The following CHRNA3 variants were observed in gnomAD, a reference collection of about 807,000 sequenced individuals.
CHRNA3 encodes the protein cholinergic receptor nicotinic alpha 3 subunit.
CHRNA3 carries 34 observed loss-of-function variants against 41.9 expected under a neutral mutation model. The observed-to-expected ratio is 0.81, with a 90% CI of 0.62 to 1.08. The LOEUF is 1.08. Among genes scored for constraint, CHRNA3 ranks in the 50% least tolerant of loss-of-function variants. The pLI is 0.00. For missense variants in CHRNA3, 542 were observed against 638.3 expected (o/e 0.85, Z 1.63); for synonymous variants, 281 against 265.2 (o/e 1.06, Z -0.58).
chr15:78,605,835 G>T (rs2053276554), intron 4 of CHRNA3, among the ~76,000 whole-genome samples: 1 of 152,148 alleles, frequency 6.6e-6, no homozygotes. Context: ...TCGTGGAGAT[G>T]CCATGACTGT....
intron 5 of CHRNA3, among the ~76,000 whole-genome samples, chr15:78,597,770 A>C (rs985254943): frequency 2.0e-5 from 3 of 152,208 alleles, no homozygotes; most frequent in Non-Finnish European, 4.4e-5. Context: ...CCATAATTGA[A>C]TTGAGAGAAC....
rs754431447 is a variant in CHRNA3 at position 78,618,840 on chromosome 15, A to G, written c.158T>C (p.Val53Ala). ...FEDYNEIIRPVANVSDPVIIH... is the reference protein window; with the variant it reads ...FEDYNEIIRPAANVSDPVIIH... The stretch of plus-strand genomic sequence containing the variant: ...GATGACTGGGTCAGACACGTTGGCT[A>G]CAGGCCGGATGATCTCATTGTAATC... The change falls in exon 2 of 6, where the codon GTA becomes GCA. Residue 53 changes from valine (V) to alanine (A), a missense_variant. Transcript: ENST00000326828. 1 of 1,613,942 alleles carries G rather than the reference A, an allele frequency of 6.2e-7. No homozygotes were observed. Among genetic ancestry groups the G allele is most frequent in the South Asian group, 1.1e-5 (1 of 91,086 alleles).
rs1311080821 is a variant in CHRNA3, at chr15:78,596,625, C to T, written c.1497G>A (p.Leu499=). The change falls in exon 6 of 6, where the codon CTG becomes CTA. Residue 499 remains leucine, a synonymous_variant. Transcript: ENST00000326828. ...GTGCTTATGCATCTTCCCTGGCCAT[C>T]AGGGGTTGCAGAAACAATCCTGCTG... ...LGTAGLFLQP[L]MAREDA 1.2e-6 allele frequency: 2 copies of T among 1,607,640 alleles called. No individual in the cohort carries two copies. Among genetic ancestry groups the T allele is most frequent in the Non-Finnish European group, 1.7e-6 (2 of 1,178,574 alleles).
chr15:78,599,232 C>T (rs1038212904), intron 5 of CHRNA3, among the ~76,000 whole-genome samples: 2 of 152,180 alleles, frequency 1.3e-5, no homozygotes, highest in African/African-American at 4.8e-5. Context: ...CCTGCCTTGG[C>T]CTCCCAAAGT....
intron 5 of CHRNA3, among the ~76,000 whole-genome samples, chr15:78,597,503 C>T (rs2053132429): frequency 6.6e-6 from 1 of 152,082 alleles, no homozygotes; most frequent in South Asian, 2.1e-4. Flanking sequence ...GCAAGTCCAT[C>T]CTCATCACTC....
rs2053097531 is a variant in CHRNA3, at chr15:78,595,823, T to C, written c.*781A>G. 1 of 153,096 alleles carries C rather than the reference T, an allele frequency of 6.5e-6. No homozygotes were observed. Among genetic ancestry groups the C allele is most frequent in the Non-Finnish European group, 1.5e-5 (1 of 68,950 alleles). The allele number at this position is 153,096 out of a possible 1,614,324, so 9.5% of individuals were successfully genotyped here. ...GCTCTGCTCTCATGAATGGGGTTAGTGCCCTTATAAAATAGACCCCACAGA... is the reference window on the plus strand; with the variant it reads ...GCTCTGCTCTCATGAATGGGGTTAGCGCCCTTATAAAATAGACCCCACAGA... On this transcript the variant is annotated 3_prime_UTR_variant, in exon 6 of 6. Transcript: ENST00000326828.
chr15:78,601,450 G>A lies in CHRNA3; in HGVS notation c.1192C>T (p.Gln398Ter). Residue 398 changes from glutamine (Q) to a stop codon, truncating the protein, a stop_gained, in exon 5 of 6, where the codon CAG (glutamine) becomes TAG (stop). Coordinates refer to ENST00000326828, the MANE Select transcript of CHRNA3 (RefSeq NM_000743.5). LOFTEE classifies it high-confidence loss of function. ...TGGCAGTAACCACACATCCCGTCCT[G>A]GCAGGGGTAGCCCTCCTTGCAGCCT... ...SKGCKEGYPC[Q>*]DGMCGYCHHR... 6.2e-7 allele frequency: 1 copy of A among 1,614,194 alleles called. No homozygotes were observed. The highest frequency in any genetic ancestry group is 8.5e-7 in the Non-Finnish European group (1 of 1,180,046).
At chr15:78,607,158 G>A (rs1484826757) in intron 4 of CHRNA3, among the ~76,000 whole-genome samples, 5 of 151,044 alleles carry the variant, frequency 3.3e-5, no homozygotes, top group African/African-American at 1.2e-4. Context: ...GAACCCAGGA[G>A]GCAGAGATTG....
intron 5 of CHRNA3, among the ~76,000 whole-genome samples, chr15:78,598,693 A>C (rs1292234884): frequency 6.6e-6 from 1 of 152,134 alleles, no homozygotes; most frequent in Non-Finnish European, 1.5e-5. Flanking sequence ...GGTGCCTAGC[A>C]CCATGCCCAG....
intron 5 of CHRNA3, among the ~76,000 whole-genome samples, chr15:78,599,678 A>G (rs1479380872): frequency 6.8e-6 from 1 of 146,388 alleles, no homozygotes; most frequent in Non-Finnish European, 1.5e-5. Flanking sequence ...TTCTCTTCTT[A>G]TTGGCATGCC....
chr15:78,606,999 G>C (rs78090107), intron 4 of CHRNA3, among the ~76,000 whole-genome samples: 1 of 152,012 alleles, frequency 6.6e-6, no homozygotes, highest in African/African-American at 2.4e-5. Context: ...AGGCTGAGGC[G>C]GGCAGATCAT....
At chr15:78,600,627 G>T (rs181707779) in intron 5 of CHRNA3, among the ~76,000 whole-genome samples, 35 of 152,246 alleles carry the variant, frequency 2.3e-4, no homozygotes, top group African/African-American at 8.2e-4. Context: ...CATGCCTGTA[G>T]TCCCAGCATT....
In CHRNA3 at chr15:78,601,816, A is replaced by C. The variant is rs1204759174; in HGVS notation, c.826T>G (p.Cys276Gly). ...GTCAGGGAGAGGAGGACAGAAATGC[A>C]CAGGGTCACCTTCTCACCGCAGTCG... ...PSDCGEKVTL[C>G]ISVLLSLTVF... Residue 276 changes from cysteine (C) to glycine (G), a missense_variant, in exon 5 of 6, where the codon TGC (cysteine) becomes GGC (glycine). Transcript: ENST00000326828. The C allele has an allele frequency of 6.2e-7, 1 of 1,614,066 alleles. No homozygotes were observed. Among genetic ancestry groups the C allele is most frequent in the Non-Finnish European group, 8.5e-7 (1 of 1,180,054 alleles).
chr15:78,612,897 A>G (rs1307973104), intron 4 of CHRNA3, among the ~76,000 whole-genome samples: 1 of 151,622 alleles, frequency 6.6e-6, no homozygotes, highest in Non-Finnish European at 1.5e-5. Context: ...ACCCCATCAA[A>G]AAGTGGGTGA....
Position 78,617,058 on chromosome 15 carries a change from T to C in CHRNA3, c.343A>G (p.Lys115Glu), listed in dbSNP as rs1240316730. Reference sequence around the variant, plus strand: ...AGCACAATGTCTGGCTTCCAGATCTTCTGTGCAGGGACACGCATGAACTCT... The same window carrying C: ...AGCACAATGTCTGGCTTCCAGATCTCCTGTGCAGGGACACGCATGAACTCT... The part of the protein sequence containing the change: ...GAEFMRVPAQ[K>E]IWKPDIVLYN... Residue 115 changes from lysine (K) to glutamate (E), a missense_variant, in exon 4 of 6, where the codon AAG (lysine) becomes GAG (glutamate). Physicochemically the swap from Lys to Glu is moderately conservative, Grantham distance 56 (BLOSUM62 1). Transcript: ENST00000326828. 8.1e-6 allele frequency: 13 copies of C among 1,613,746 alleles called. No individual in the cohort carries two copies. The highest frequency in any genetic ancestry group is 1.1e-5 in the Non-Finnish European group (13 of 1,179,924).
At position 78,601,970 on chromosome 15, in the gene CHRNA3, G is replaced by A. The variant is rs539983389; in HGVS notation, c.672C>T (p.Cys224=). Residue 224 remains cysteine, a synonymous_variant, in exon 5 of 6, where the codon TGC becomes TGT. Transcript: ENST00000326828. ...ATGTGATGTCGGGGTAGATCTCCTCGCAGCAGTTGTACTTGATGTCGTGTT... is the reference window on the plus strand; with the variant it reads ...ATGTGATGTCGGGGTAGATCTCCTCACAGCAGTTGTACTTGATGTCGTGTT... The part of the protein sequence containing the change: ...GYKHDIKYNC[C]EEIYPDITYS... The A allele has an allele frequency of 1.3e-5, 21 of 1,613,504 alleles. No individual in the cohort carries two copies. Among genetic ancestry groups the A allele is most frequent in the South Asian group, 7.7e-5 (7 of 91,042 alleles).
At chr15:78,598,023 T>C (rs1046894122) in intron 5 of CHRNA3, among the ~76,000 whole-genome samples, 1 of 152,162 alleles carries the variant, frequency 6.6e-6, no homozygotes, top group African/African-American at 2.4e-5. Flanking sequence ...CAGATACACC[T>C]TGAGATGTGA....
In CHRNA3 at chr15:78,620,738, CAG is replaced by C; in HGVS notation, c.55_56del (p.Leu19AlafsTer16). Reference sequence around the variant, plus strand: ...CTGGCAGCAGAGACAGCAGCAGCAGCAGCAGCAGCCGCGGCGGCGACAGCGCC... The same window carrying C: ...CTGGCAGCAGAGACAGCAGCAGCAGCCAGCAGCCGCGGCGGCGACAGCGCC... ...PLALSPPRLLLLLLLSLLPVA... is the reference protein window; with the variant it reads ...PLALSPPRLLXLLLLSLLPVA... On this transcript the variant is annotated frameshift_variant, in exon 1 of 6. Coordinates refer to ENST00000326828, the MANE Select transcript of CHRNA3 (RefSeq NM_000743.5). LOFTEE classifies it high-confidence loss of function. 2.7e-6 allele frequency: 4 copies of C among 1,500,942 alleles called. No individual in the cohort carries two copies. Among genetic ancestry groups the C allele is most frequent in the East Asian group, 2.8e-5 (1 of 35,764 alleles). The allele number at this position is 1,500,942 out of a possible 1,614,324, so 93.0% of individuals were successfully genotyped here.
intron 4 of CHRNA3, among the ~76,000 whole-genome samples, chr15:78,615,413 C>T (rs2053445745): frequency 6.6e-6 from 1 of 152,204 alleles, no homozygotes; most frequent in Non-Finnish European, 1.5e-5. Context: ...CATCCACTGC[C>T]CACAGTGGCC....
Sources: allele counts gnomAD v4.1 joint callset (sites outside exome capture counted in the v4.1 genomes callset), GRCh38; gene constraint gnomAD v4.1.1; transcripts MANE v1.5; gene names NCBI Gene and HGNC (gene_info 2026-07-23, HGNC 2026-07-21).